Variants in CSMD1 observed in about 807,000 individuals in gnomAD.
The protein encoded by CSMD1 is CUB and Sushi multiple domains 1, also known as CUB and sushi domain-containing protein 1.
A neutral mutation model predicts 417.5 loss-of-function variants in CSMD1; 213 were observed. The observed-to-expected ratio is 0.51, with a 90% CI of 0.46 to 0.57. The LOEUF is 0.57. Ranked by LOEUF, CSMD1 falls within the 20% of genes least tolerant of loss-of-function variation. CSMD1 has a pLI of 0.00. For synonymous variants in CSMD1, 2,862 were observed against 1,736.8 expected (o/e 1.65, Z -16.11); for missense variants, 6,923 against 4,529.7 (o/e 1.53, Z -15.17).
intron 50 of CSMD1, among the ~76,000 whole-genome samples, chr8:3,041,620 T>C (rs565874391): frequency 5.9e-5 from 9 of 152,334 alleles, no homozygotes; most frequent in African/African-American, 1.4e-4. Flanking sequence ...TCTGTAGAAA[T>C]GTGAATTTTA....
At chr8:4,538,299 C>T (rs1342222561) in intron 2 of CSMD1, among the ~76,000 whole-genome samples, 2 of 151,614 alleles carry the variant, frequency 1.3e-5, no homozygotes, top group Non-Finnish European at 2.9e-5. Context: ...TACGACATTG[C>T]AAATATTATA....
At chr8:3,900,712 G>A (rs1184890156) in intron 5 of CSMD1, among the ~76,000 whole-genome samples, 1 of 151,798 alleles carries the variant, frequency 6.6e-6, no homozygotes. Flanking sequence ...CTGGATGACT[G>A]TGTAGCTGGG....
chr8:3,837,567 T>C (rs1409477926), intron 5 of CSMD1, among the ~76,000 whole-genome samples: 1 of 152,192 alleles, frequency 6.6e-6, no homozygotes, highest in Non-Finnish European at 1.5e-5. Flanking sequence ...CCAATAATGA[T>C]ACTTGAAATG....
At chr8:3,059,552 A>G (rs1812453710) in intron 49 of CSMD1, among the ~76,000 whole-genome samples, 1 of 152,142 alleles carries the variant, frequency 6.6e-6, no homozygotes, top group African/African-American at 2.4e-5. Context: ...ACAGGCATGT[A>G]GCTTATAGGA....
chr8:3,231,720 A>G (rs1798851656), intron 26 of CSMD1, among the ~76,000 whole-genome samples: 1 of 152,190 alleles, frequency 6.6e-6, no homozygotes, highest in East Asian at 1.9e-4. Flanking sequence ...CAATAGTGTC[A>G]TATGATACAG....
At chr8:4,844,297 C>T (rs1364239404) in intron 1 of CSMD1, among the ~76,000 whole-genome samples, 2 of 152,064 alleles carry the variant, frequency 1.3e-5, no homozygotes, top group African/African-American at 4.8e-5. Flanking sequence ...AAATGTCCTC[C>T]AGCATCAGTA....
chr8:3,814,869 G>T (rs141699425), intron 5 of CSMD1, among the ~76,000 whole-genome samples: 1 of 152,172 alleles, frequency 6.6e-6, no homozygotes, highest in Non-Finnish European at 1.5e-5. Flanking sequence ...ACACCCACTT[G>T]TGTTAATTAT....
At chr8:3,964,003 A>T (rs915355644) in intron 5 of CSMD1, among the ~76,000 whole-genome samples, 8 of 151,932 alleles carry the variant, frequency 5.3e-5, no homozygotes, top group African/African-American at 1.9e-4. Context: ...AAGCATCCCC[A>T]GAATGCACAA....
intron 7 of CSMD1, among the ~76,000 whole-genome samples, chr8:3,638,083 G>C (rs1244767975): frequency 6.6e-6 from 1 of 152,054 alleles, no homozygotes; most frequent in Non-Finnish European, 1.5e-5. Flanking sequence ...ACCACACACA[G>C]CTATCAAATC....
intron 29 of CSMD1, among the ~76,000 whole-genome samples, chr8:3,217,356 G>C (rs1047165436): frequency 6.6e-6 from 1 of 152,204 alleles, no homozygotes; most frequent in Non-Finnish European, 1.5e-5. Context: ...CAAAAATTAA[G>C]GAAGTTCTTT....
At chr8:4,307,965 C>T (rs373177007) in intron 3 of CSMD1, among the ~76,000 whole-genome samples, 15 of 152,212 alleles carry the variant, frequency 9.9e-5, no homozygotes, top group African/African-American at 3.6e-4. Flanking sequence ...AGAGACACAC[C>T]TGAAGAAATT....
intron 25 of CSMD1, among the ~76,000 whole-genome samples, chr8:3,291,458 G>A (rs539913681): frequency 6.6e-6 from 1 of 152,178 alleles, no homozygotes; most frequent in African/African-American, 2.4e-5. Flanking sequence ...TCTGGTCCTC[G>A]ACTTTTTTTG....
chr8:3,039,868 A>G (rs1810974170), intron 50 of CSMD1, among the ~76,000 whole-genome samples: 1 of 152,182 alleles, frequency 6.6e-6, no homozygotes, highest in Non-Finnish European at 1.5e-5. Flanking sequence ...CATTCATATT[A>G]GATTTGCCGT....
intron 5 of CSMD1, among the ~76,000 whole-genome samples, chr8:3,789,108 C>A (rs148469043): frequency 4.6e-5 from 7 of 152,214 alleles, no homozygotes; most frequent in African/African-American, 1.7e-4. Context: ...GGTGGTACAG[C>A]CTTTGGAAGG....
At position 3,959,681 on chromosome 8, in the gene CSMD1, C is replaced by A. The variant is rs117950381; in HGVS notation, c.818+38222G>T. ...TTATTTGACTTATGTCCTAGTACAG[C>A]AGGTAAGTTTCTTTATATGATATAC... On this transcript the variant is annotated intron_variant, in intron 5 of 69. Transcript: ENST00000635120. Among the ~76,000 whole-genome samples the A allele has an allele frequency of 4.6e-5, 7 of 152,272 alleles. No individual in the cohort carries two copies. The East Asian group carries it at 1.4e-3, about 29-fold the overall frequency.
At chr8:4,851,085 G>A (rs1801448451) in intron 1 of CSMD1, among the ~76,000 whole-genome samples, 1 of 149,118 alleles carries the variant, frequency 6.7e-6, no homozygotes, top group African/African-American at 2.5e-5. Context: ...ATCTCCTAAT[G>A]TTATCCCTCC....
intron 3 of CSMD1, among the ~76,000 whole-genome samples, chr8:4,277,266 A>G (rs1002358934): frequency 6.6e-6 from 1 of 152,064 alleles, no homozygotes; most frequent in Non-Finnish European, 1.5e-5. Context: ...TTTCTTATGA[A>G]GTTGGGTTGT....
intron 3 of CSMD1, among the ~76,000 whole-genome samples, chr8:4,324,212 G>A (rs976163272): frequency 1.3e-5 from 2 of 152,252 alleles, no homozygotes; most frequent in African/African-American, 2.4e-5. Context: ...TCATCGGAAT[G>A]TATGATGCAT....
chr8:2,974,575 T>C lies in CSMD1; in HGVS notation c.8616A>G (p.Gly2872=). ...CGACGGCGCCATAGGTAAACAGCTCTCCAGTGAGGACGGCGTTGGCAGGGA... is the reference window on the plus strand; with the variant it reads ...CGACGGCGCCATAGGTAAACAGCTCCCCAGTGAGGACGGCGTTGGCAGGGA... ...PGVPANAVLT[G]ELFTYGAVVH... The change falls in exon 56 of 70, where the codon GGA becomes GGG. Residue 2872 remains glycine, a synonymous_variant. Transcript: ENST00000635120. 1 of 1,612,748 alleles carries C rather than the reference T, an allele frequency of 6.2e-7. No homozygotes were observed. The highest frequency in any genetic ancestry group is 8.5e-7 in the Non-Finnish European group (1 of 1,179,360).
Sources: allele counts gnomAD v4.1 joint callset (sites outside exome capture counted in the v4.1 genomes callset), GRCh38; gene constraint gnomAD v4.1.1; transcripts MANE v1.5; gene names NCBI Gene and HGNC (gene_info 2026-07-23, HGNC 2026-07-21).